Variants in CDC14A observed in about 807,000 individuals in gnomAD.
The protein encoded by CDC14A is dual specificity protein phosphatase CDC14A.
CDC14A carries 53 observed loss-of-function variants against 74.4 expected under a neutral mutation model. The ratio of observed to expected loss-of-function variants is 0.71; its 90% CI spans 0.57 to 0.89. The LOEUF (loss-of-function observed/expected upper bound fraction) is 0.89, where lower values mean the gene tolerates loss of function less well. Among genes scored for constraint, CDC14A ranks in the 40% least tolerant of loss-of-function variants. The probability of loss-of-function intolerance (pLI) is 0.00; values close to 1 mark genes in which losing one functional copy is unlikely to be tolerated. For missense variants in CDC14A, 646 were observed against 713.7 expected, an observed-to-expected ratio of 0.91 and a Z score of 1.08; for synonymous variants, 247 against 258.4, an observed-to-expected ratio of 0.96 and a Z score of 0.43.
At chr1:100,484,586 G>A (rs558656010) in intron 11 of CDC14A, 135 bp downstream of exon 11, 139 of 1,286,800 alleles carry the variant, frequency 1.1e-4, no homozygotes, top group African/African-American at 2.2e-4. Context: ...AGAGCCATCC[G>A]TCTATATAGC....
chr1:100,425,222 C>T (rs1307618055), intron 5 of CDC14A, among the ~76,000 whole-genome samples: 5 of 152,098 alleles, frequency 3.3e-5, no homozygotes, highest in Admixed American at 2.0e-4. Context: ...TCAAAACTCC[C>T]ATAACACTTA....
chr1:100,475,266 A>G (rs775304322), intron 10 of CDC14A, among the ~76,000 whole-genome samples: 45 of 151,658 alleles, frequency 3.0e-4, no homozygotes, highest in Non-Finnish European at 3.8e-4. Context: ...CTTTATATCT[A>G]TTTCTTTGCT....
In CDC14A at chr1:100,442,372, TA is replaced by T. The variant is rs574870546; in HGVS notation, c.457-559del. On this transcript the variant is annotated intron_variant, in intron 6 of 15. Coordinates refer to ENST00000336454, the MANE Select transcript of CDC14A (RefSeq NM_003672.4). ...TATACTATATTATATATAGTATATA[TA>T]AATATATACTATATATTATATATAA... Among the ~76,000 whole-genome samples, 1,061 of 146,450 alleles carry T rather than the reference TA, an allele frequency of 7.2e-3. 11 individuals carry two copies. Among genetic ancestry groups the T allele is most frequent in the African/African-American group, 0.025 (1,001 of 40,346 alleles).
chr1:100,458,958 A>G (rs1399514124), intron 8 of CDC14A, among the ~76,000 whole-genome samples: 1 of 143,680 alleles, frequency 7.0e-6, no homozygotes, highest in African/African-American at 3.0e-5. Context: ...GAAGAGCCCT[A>G]CTTTTTTTTG....
Position 100,508,908 on chromosome 1 carries a change from A to C in CDC14A, c.1756-9343A>C, listed in dbSNP as rs958316081. 6.6e-6 allele frequency among the ~76,000 whole-genome samples: 1 copy of C among 152,094 alleles called. No individual in the cohort carries two copies. The highest frequency in any genetic ancestry group is 2.4e-5 in the African/African-American group (1 of 41,414). On this transcript the variant is annotated intron_variant, in intron 15 of 15. Coordinates refer to ENST00000336454, the MANE Select transcript of CDC14A (RefSeq NM_003672.4). This position sits in a 1 kb window ranked among gnomAD's most constrained non-coding sequence, Gnocchi z 4.4. ...CTGCTGTGCCCTTTCTTTCTTCTTC[A>C]TCTTTAAAAAATATTTAATGCATGC...
chr1:100,462,641 G>A lies in CDC14A; in HGVS notation c.608-10G>A, dbSNP rs114626664. 7.6e-4 allele frequency: 1,217 copies of A among 1,607,152 alleles called. 8 individuals carry two copies. In the African/African-American group the frequency reaches 0.014, roughly 19 times the overall value. On this transcript the variant is annotated splice_polypyrimidine_tract_variant and intron_variant, in intron 8 of 15. Transcript: ENST00000336454. ...CATGCCTTTTGCTTACTGCTCCTTT[G>A]TTCCTTTAGGTTATCCTCTTCACGC...
rs375655981 is a variant in CDC14A, at chr1:100,442,917, T to G, written c.457-17T>G. On this transcript the variant is annotated splice_polypyrimidine_tract_variant and intron_variant, in intron 6 of 15. Transcript: ENST00000336454. ...ATCAATTTAGCATGGAAAAACTAAT[T>G]CAAATTCTGCTTTTAGGGATTACAA... 5 of 1,561,826 alleles carry G rather than the reference T, an allele frequency of 3.2e-6. No homozygotes were observed. The African/African-American group carries it at 6.8e-5, about 21-fold the overall frequency.
chr1:100,459,122 C>CAGAGAGAGAGAGAGAG (rs1474410623), intron 8 of CDC14A, among the ~76,000 whole-genome samples: 61 of 146,714 alleles, frequency 4.2e-4, no homozygotes, highest in African/African-American at 1.5e-3. Flanking sequence ...CACACACACA[C>CAGAGAGAGAGAGAGAG]ACACAGAGAG....
intron 8 of CDC14A, among the ~76,000 whole-genome samples, chr1:100,461,101 C>T (rs766196466): frequency 2.6e-5 from 4 of 152,172 alleles, no homozygotes; most frequent in African/African-American, 4.8e-5. Flanking sequence ...TTGGAGAAAA[C>T]AGCTAGTACC....
chr1:100,429,738 A>G (rs1277798603), intron 5 of CDC14A, among the ~76,000 whole-genome samples: 1 of 146,874 alleles, frequency 6.8e-6, no homozygotes, highest in Non-Finnish European at 1.5e-5. Context: ...ATATATATCA[A>G]GTATATTTAT....
chr1:100,467,339 A>C (rs1427571324), intron 9 of CDC14A, among the ~76,000 whole-genome samples: 1 of 152,162 alleles, frequency 6.6e-6, no homozygotes, highest in East Asian at 1.9e-4. Context: ...CAAAAGCAGA[A>C]GATTCTTGAA....
intron 15 of CDC14A, among the ~76,000 whole-genome samples, chr1:100,514,487 A>G (rs369599064): frequency 1.3e-4 from 20 of 152,236 alleles, no homozygotes; most frequent in African/African-American, 4.6e-4. Flanking sequence ...TTATTTGTCT[A>G]TGTTAGGGTG....
chr1:100,375,271 G>T (rs564863399), intron 2 of CDC14A, among the ~76,000 whole-genome samples: 1 of 152,332 alleles, frequency 6.6e-6, no homozygotes, highest in East Asian at 1.9e-4. Context: ...TTGTTGGAAT[G>T]CAGATTTCCT....
chr1:100,439,755 G>A (rs1359202676), intron 5 of CDC14A, among the ~76,000 whole-genome samples, 177 bp from the exon 6 acceptor site: 1 of 152,178 alleles, frequency 6.6e-6, no homozygotes, highest in East Asian at 1.9e-4. Flanking sequence ...AGCAATTTCA[G>A]AAGTGCTTCA....
At chr1:100,439,775 G>A (rs565485599) in intron 5 of CDC14A, among the ~76,000 whole-genome samples, 157 bp from the exon 6 acceptor site, 2 of 152,284 alleles carry the variant, frequency 1.3e-5, no homozygotes, top group Admixed American at 6.5e-5. Flanking sequence ...AGTTAAGTGT[G>A]GTAGTTAATT....
chr1:100,430,494 T>C (rs1375442217), intron 5 of CDC14A, among the ~76,000 whole-genome samples: 1 of 152,158 alleles, frequency 6.6e-6, no homozygotes, highest in Non-Finnish European at 1.5e-5. Flanking sequence ...AAGTAATTAT[T>C]TTAGATCTTC....
At chr1:100,427,650 T>A (rs1663114722) in intron 5 of CDC14A, among the ~76,000 whole-genome samples, 1 of 152,174 alleles carries the variant, frequency 6.6e-6, no homozygotes, top group East Asian at 1.9e-4. Flanking sequence ...AGGGCTGTGG[T>A]TGGTTCTTTT....
chr1:100,412,725 T>TTATATATATA (rs1453619061), intron 4 of CDC14A, among the ~76,000 whole-genome samples: 1 of 82,926 alleles, frequency 1.2e-5, no homozygotes, highest in South Asian at 3.0e-4. Context: ...TATATATATT[T>TTATATATATA]TATATATATA....
At chr1:100,387,379 C>CT (rs1657021856) in intron 3 of CDC14A, among the ~76,000 whole-genome samples, 1 of 152,192 alleles carries the variant, frequency 6.6e-6, no homozygotes, top group African/African-American at 2.4e-5. Context: ...CTCGGAGATG[C>CT]TGGCCAAGCT....
Sources: gnomAD v4.1 joint callset for allele counts (sites outside exome capture counted in the v4.1 genomes callset) on GRCh38, gnomAD v4.1.1 for gene constraint, Gnocchi (gnomAD v3.1) non-coding constraint, MANE v1.5 for transcripts, NCBI Gene and HGNC (gene_info 2026-07-23, HGNC 2026-07-21) for gene names.